CLDN16: variants seen among roughly 807,000 people sequenced by gnomAD.
CLDN16 encodes claudin-16.
Under a neutral mutation model 24.6 loss-of-function variants are expected in CLDN16, and 13 were observed. The ratio of observed to expected loss-of-function variants is 0.53; its 90% CI spans 0.34 to 0.84. The LOEUF (loss-of-function observed/expected upper bound fraction) is 0.84. Among genes scored for constraint, CLDN16 ranks in the 40% least tolerant of loss-of-function variants. CLDN16 has a pLI of 0.01. For synonymous variants in CLDN16, 116 were observed against 106.7 expected (o/e 1.09, Z -0.54); for missense variants, 298 against 292.7 (o/e 1.02, Z -0.13).
intron 1 of CLDN16, among the ~76,000 whole-genome samples, chr3:190,334,944 G>A (rs775101692): frequency 4.6e-5 from 7 of 151,628 alleles, no homozygotes; most frequent in African/African-American, 1.7e-4. Flanking sequence ...TCCAGAGCTC[G>A]TTGTGGGTTC....
chr3:190,387,947 T>G (rs1472540677), upstream of CLDN16: 5 of 643,998 alleles, frequency 7.8e-6, no homozygotes, highest in East Asian at 2.7e-5. Flanking sequence ...GGTTCCAGCA[T>G]GGGGTGGGAC....
chr3:190,329,554 A>G (rs1717139065), intron 1 of CLDN16, among the ~76,000 whole-genome samples: 1 of 152,198 alleles, frequency 6.6e-6, no homozygotes, highest in Non-Finnish European at 1.5e-5. Flanking sequence ...AATATTATGC[A>G]TGATTTTAGC....
At chr3:190,380,339 G>C (rs898543593) in intron 3 of CLDN16, among the ~76,000 whole-genome samples, 1 of 151,308 alleles carries the variant, frequency 6.6e-6, no homozygotes, top group African/African-American at 2.4e-5. Flanking sequence ...GCTTAATTGT[G>C]ACATACTAAA....
chr3:190,370,518 G>T (rs1718116086), intron 1 of CLDN16, among the ~76,000 whole-genome samples: 2 of 151,914 alleles, frequency 1.3e-5, no homozygotes, highest in African/African-American at 4.8e-5. Flanking sequence ...GGCCATGCTT[G>T]TTGTGCATAA....
At chr3:190,314,873 A>G in the CLDN16 span, among the ~76,000 whole-genome samples, 2 of 152,142 alleles carry the variant, frequency 1.3e-5, no homozygotes, top group Admixed American at 6.5e-5. Context: ...ATGCACACTG[A>G]CCCACACACT....
upstream of CLDN16, among the ~76,000 whole-genome samples, chr3:190,387,317 A>G (rs1718526705): frequency 6.6e-6 from 1 of 151,648 alleles, no homozygotes; most frequent in Non-Finnish European, 1.5e-5. Flanking sequence ...CATATTAAAA[A>G]CTTTTTTTTA....
intron 1 of CLDN16, among the ~76,000 whole-genome samples, chr3:190,344,241 A>G (rs541007663): frequency 1.3e-5 from 2 of 152,226 alleles, no homozygotes; most frequent in East Asian, 3.9e-4. Context: ...GAAATTGCTT[A>G]TATTACCTAA....
upstream of CLDN16, among the ~76,000 whole-genome samples, chr3:190,384,754 A>G (rs1386875666): frequency 6.6e-6 from 1 of 152,110 alleles, no homozygotes; most frequent in Non-Finnish European, 1.5e-5. Flanking sequence ...AAATTATTAC[A>G]CATTTGCTGA....
the CLDN16 span, chr3:190,307,171 C>T: frequency 1.3e-5 from 2 of 152,638 alleles, no homozygotes; most frequent in African/African-American, 4.8e-5. Context: ...GATTAAGTGA[C>T]TTGCTTACAG....
At chr3:190,302,632 G>A in the CLDN16 span, among the ~76,000 whole-genome samples, 1,297 of 152,054 alleles carry the variant, frequency 8.5e-3, 13 homozygotes, top group Non-Finnish European at 0.015. Flanking sequence ...TTAGCTGGGC[G>A]TGGTGGCATG....
chr3:190,322,667 G>A lies in CLDN16; in HGVS notation n.121+6G>A, dbSNP rs56235513. Reference sequence around the variant, plus strand: ...TCGTGGATCTTCTCGCTCCTGTAAGGCGTTTCACGCTTTTCATTCATTCAC... The same window carrying A: ...TCGTGGATCTTCTCGCTCCTGTAAGACGTTTCACGCTTTTCATTCATTCAC... On this transcript the variant is annotated splice_donor_region_variant and intron_variant and non_coding_transcript_variant, in intron 1 of 4. Transcript: ENST00000468220. The A allele has an allele frequency of 0.11, 24,389 of 231,914 alleles. 1,558 individuals carry two copies. The highest frequency in any genetic ancestry group is 0.22 in the East Asian group (1,707 of 7,718). The allele number at this position is 231,914 out of a possible 1,614,324, so 14.4% of individuals were successfully genotyped here. A position where few individuals can be genotyped will look rare whatever the true frequency, so the allele number is the denominator to read the frequency against.
the CLDN16 span, among the ~76,000 whole-genome samples, chr3:190,303,976 C>T: frequency 2.0e-5 from 3 of 152,046 alleles, no homozygotes; most frequent in African/African-American, 7.3e-5. Flanking sequence ...CTATTAAGTG[C>T]CTGGATGGGT....
chr3:190,293,595 A>G, the CLDN16 span, among the ~76,000 whole-genome samples: 2 of 152,210 alleles, frequency 1.3e-5, no homozygotes, highest in Non-Finnish European at 2.9e-5. Context: ...TAAAATATCA[A>G]TAGTTCAAAT....
chr3:190,410,772 A>T lies in CLDN16; in HGVS notation c.*736A>T, dbSNP rs1560100743. On this transcript the variant is annotated 3_prime_UTR_variant, in exon 5 of 5. Coordinates refer to ENST00000264734, the MANE Select transcript of CLDN16 (RefSeq NM_006580.4). The stretch of plus-strand genomic sequence containing the variant: ...ATATTGCCAAATGATTAGACTACAG[A>T]ATAGTTCAACCAGAGAATTTACTCA... 6.6e-6 allele frequency: 1 copy of T among 152,192 alleles called. No individual in the cohort carries two copies. Among genetic ancestry groups the T allele is most frequent in the Non-Finnish European group, 1.5e-5 (1 of 68,054 alleles). The allele number at this position is 152,192 out of a possible 1,614,324, so 9.4% of individuals were successfully genotyped here.
At chr3:190,305,013 C>A in the CLDN16 span, among the ~76,000 whole-genome samples, 3 of 152,204 alleles carry the variant, frequency 2.0e-5, no homozygotes, top group Non-Finnish European at 4.4e-5. Context: ...TTTCAAACTT[C>A]TGCTGGCCTT....
chr3:190,307,487 TGGG>T, the CLDN16 span: 1 of 152,192 alleles, frequency 6.6e-6, no homozygotes, highest in Admixed American at 6.6e-5. Flanking sequence ...AGGGATTGTG[TGGG>T]AAGGTCAACA....
chr3:190,345,819 C>G (rs1717538643), intron 1 of CLDN16, among the ~76,000 whole-genome samples: 1 of 152,168 alleles, frequency 6.6e-6, no homozygotes, highest in Admixed American at 6.5e-5. Flanking sequence ...ATCTGCCAGT[C>G]TATCCATCTG....
intron 2 of CLDN16, among the ~76,000 whole-genome samples, chr3:190,374,092 T>C (rs755030185): frequency 1.6e-4 from 25 of 151,888 alleles, no homozygotes; most frequent in Admixed American, 3.3e-4. Flanking sequence ...TTTTAGCTCG[T>C]TGGGTTTTAT....
chr3:190,363,718 A>G (rs1313695545), intron 1 of CLDN16, among the ~76,000 whole-genome samples: 1 of 150,960 alleles, frequency 6.6e-6, no homozygotes, highest in East Asian at 2.0e-4. Flanking sequence ...TTAACGGCCT[A>G]TTTGGTTGTT....
Sources: gnomAD v4.1 joint callset for allele counts (sites outside exome capture counted in the v4.1 genomes callset) on GRCh38, gnomAD v4.1.1 for gene constraint, MANE v1.5 for transcripts, NCBI Gene and HGNC (gene_info 2026-07-23, HGNC 2026-07-21) for gene names.